Variants in CRYZL1 observed in about 807,000 individuals in gnomAD.
CRYZL1 encodes ferry endosomal RAB5 effector complex subunit 4.
In CRYZL1, 34 loss-of-function variants were observed where a neutral mutation model predicts 50.6. The ratio of observed to expected loss-of-function variants is 0.67; its 90% CI spans 0.51 to 0.89. The LOEUF (loss-of-function observed/expected upper bound fraction) is 0.89. Ranked by LOEUF, CRYZL1 falls within the 40% of genes least tolerant of loss-of-function variation. CRYZL1 has a pLI of 0.00. For synonymous variants in CRYZL1, 125 were observed against 134.3 expected (o/e 0.93, Z 0.48); for missense variants, 354 against 402.3 (o/e 0.88, Z 1.03).
At chr21:33,597,620 GT>G (rs1199954293) in intron 9 of CRYZL1, among the ~76,000 whole-genome samples, 5 of 97,964 alleles carry the variant, frequency 5.1e-5, no homozygotes, top group Admixed American at 1.0e-4. Context: ...CTCTCTTTTT[GT>G]TTTTTTTTTG....
intron 6 of CRYZL1, among the ~76,000 whole-genome samples, chr21:33,612,320 CTT>C (rs1354727954): frequency 6.7e-6 from 1 of 149,772 alleles, no homozygotes; most frequent in Non-Finnish European, 1.5e-5. Flanking sequence ...AAGTCTCACT[CTT>C]GTCACCCAGG....
chr21:33,594,865 C>A (rs982062990), intron 11 of CRYZL1: 10 of 153,146 alleles, frequency 6.5e-5, no homozygotes, highest in African/African-American at 2.2e-4. Context: ...AGGGAACTGG[C>A]CTTTATACAT....
rs199553945 is a variant in CRYZL1 at position 33,621,319 on chromosome 21, AC to A, written c.217+676del. Among the ~76,000 whole-genome samples the A allele has an allele frequency of 8.8e-3, 1,301 of 148,080 alleles. 13 individuals carry two copies. The highest frequency in any genetic ancestry group is 0.021 in the African/African-American group (857 of 40,606). On this transcript the variant is annotated intron_variant, in intron 4 of 12. Transcript: ENST00000381554. ...CAGCTGATGAACCAAAAAAAAAAAA[AC>A]ATCATGTAATTTTTTTTCAAATTAA... is the stretch of plus-strand genomic sequence containing the variant.
At position 33,621,990 on chromosome 21, in the gene CRYZL1, A is replaced by T; in HGVS notation, c.217+6T>A. 1 of 1,585,626 alleles carries T rather than the reference A, an allele frequency of 6.3e-7. No individual in the cohort carries two copies. Among genetic ancestry groups the T allele is most frequent in the Non-Finnish European group, 8.7e-7 (1 of 1,154,454 alleles). ...TAAATACATATACTCACATCTGTAT[A>T]CTTACCATCTAATACAATTCCAGCA... On this transcript the variant is annotated splice_donor_region_variant and intron_variant, in intron 4 of 12. Coordinates refer to ENST00000381554, the MANE Select transcript of CRYZL1 (RefSeq NM_145858.3).
rs1010159701 is a variant in CRYZL1 at position 33,603,266 on chromosome 21, AC to A, written c.465+137del. The A allele has an allele frequency of 7.9e-6, 8 of 1,014,704 alleles. No individual in the cohort carries two copies. In the African/African-American group the frequency reaches 1.3e-4, roughly 16 times the overall value. The allele number at this position is 1,014,704 out of a possible 1,614,324, so 62.9% of individuals were successfully genotyped here. A position where few individuals can be genotyped will look rare whatever the true frequency, so the allele number is the denominator to read the frequency against. On this transcript the variant is annotated intron_variant, in intron 7 of 12. Transcript: ENST00000381554. ...CTATTGATAAAAGCTGCTTATTATA[AC>A]AAAATAGGACACTGGAAAAAAAGTC...
intron 3 of CRYZL1, among the ~76,000 whole-genome samples, chr21:33,623,494 C>T (rs566585134): frequency 2.0e-5 from 3 of 152,218 alleles, no homozygotes; most frequent in Admixed American, 6.5e-5. Flanking sequence ...ATGGATTTTT[C>T]CATTTTAATA....
intron 6 of CRYZL1, among the ~76,000 whole-genome samples, chr21:33,605,516 G>A (rs919771810): frequency 2.6e-4 from 10 of 38,856 alleles, no homozygotes; most frequent in African/African-American, 8.7e-4. Flanking sequence ...TAATTTTTCC[G>A]CAGTACAAGA....
intron 6 of CRYZL1, 74 bp from the exon 7 acceptor site, chr21:33,603,611 C>T: frequency 6.4e-7 from 1 of 1,551,384 alleles, no homozygotes; most frequent in South Asian, 1.1e-5. Context: ...TATTTCTCTC[C>T]ATCTCTAGTA....
intron 1 of CRYZL1, among the ~76,000 whole-genome samples, chr21:33,638,210 CTTTTTT>C (rs569863892): frequency 1.0e-4 from 13 of 126,798 alleles, no homozygotes; most frequent in African/African-American, 4.0e-4. Flanking sequence ...GTCAGGTCTG[CTTTTTT>C]TTTTTTTTTT....
Position 33,603,529 on chromosome 21 carries a change from G to C in CRYZL1, c.340C>G (p.Pro114Ala). 1 of 1,613,994 alleles carries C rather than the reference G, an allele frequency of 6.2e-7. No homozygotes were observed. The highest frequency in any genetic ancestry group is 8.5e-7 in the Non-Finnish European group (1 of 1,180,028). Residue 114 changes from proline to alanine, a missense_variant, in exon 7 of 13, where the codon CCA (proline) becomes GCA (alanine). Physicochemically the swap from Pro to Ala is conservative, Grantham distance 27. Transcript: ENST00000381554. ...GCTTCCGTCCATGTGACCTTTTCTG[G>C]TTTATGAACTATCATAAAGAACAAG... ...RVHEHYLVHK[P>A]EKVTWTEAAG...
intron 1 of CRYZL1, 144 bp from the exon 2 acceptor site, chr21:33,631,701 C>A (rs2087139474): frequency 1.1e-5 from 5 of 443,756 alleles, no homozygotes; most frequent in Non-Finnish European, 1.5e-5. Flanking sequence ...AAATCTTTCA[C>A]AAAGTGATCA....
At chr21:33,612,435 C>T (rs982868170) in intron 6 of CRYZL1, among the ~76,000 whole-genome samples, 1 of 152,040 alleles carries the variant, frequency 6.6e-6, no homozygotes, top group Non-Finnish European at 1.5e-5. Context: ...TACAGGCGTG[C>T]GCCAACAGCC....
At chr21:33,640,944 CAG>C (rs1289394283) in intron 1 of CRYZL1, among the ~76,000 whole-genome samples, 37 of 152,204 alleles carry the variant, frequency 2.4e-4, no homozygotes, top group African/African-American at 8.9e-4. Flanking sequence ...GATAATGTCT[CAG>C]ATATACTAGG....
intron 3 of CRYZL1, 72 bp downstream of exon 3, chr21:33,624,611 T>C (rs2087038912): frequency 1.3e-6 from 2 of 1,562,818 alleles, no homozygotes; most frequent in Admixed American, 2.2e-5. Context: ...AGGTCAGTTA[T>C]CGTTATATTT....
chr21:33,623,075 C>T (rs1042932151), intron 3 of CRYZL1, among the ~76,000 whole-genome samples: 4 of 151,670 alleles, frequency 2.6e-5, no homozygotes, highest in Non-Finnish European at 5.9e-5. Context: ...AAGCGATTCT[C>T]CTGCCTCAGC....
chr21:33,631,488 T>C lies in CRYZL1; in HGVS notation c.64A>G (p.Lys22Glu). 6.6e-7 allele frequency: 1 copy of C among 1,518,220 alleles called. No individual in the cohort carries two copies. Among genetic ancestry groups the C allele is most frequent in the Non-Finnish European group, 8.8e-7 (1 of 1,137,748 alleles). The allele number at this position is 1,518,220 out of a possible 1,614,324, so 94.0% of individuals were successfully genotyped here. A position where few individuals can be genotyped will look rare whatever the true frequency, so the allele number is the denominator to read the frequency against. Residue 22 changes from lysine (K) to glutamate (E), a missense_variant and splice_region_variant, in exon 2 of 13, where the codon AAG becomes GAG. Coordinates refer to ENST00000381554, the MANE Select transcript of CRYZL1 (RefSeq NM_145858.3). ...DEEITFVFQE[K>E]EDLPVTEDNF... ...AATGATTAAACATTTTTTCTTACCTTTTCTTGAAATACAAATGTTATTTCT... is the reference window on the plus strand; with the variant it reads ...AATGATTAAACATTTTTTCTTACCTCTTCTTGAAATACAAATGTTATTTCT...
chr21:33,602,986 GTAATA>G (rs375901363), intron 7 of CRYZL1, among the ~76,000 whole-genome samples: 1 of 152,130 alleles, frequency 6.6e-6, no homozygotes, highest in African/African-American at 2.4e-5. Context: ...TTTGATATAT[GTAATA>G]TGTTTAAATT....
rs182730613 is a variant in CRYZL1 at position 33,620,212 on chromosome 21, T to C, written c.217+1784A>G. Reference sequence around the variant, plus strand: ...AATCCCAGGTAAAACTCAAATATACTCTAACATACCTTAACACATTTATTC... The same window carrying C: ...AATCCCAGGTAAAACTCAAATATACCCTAACATACCTTAACACATTTATTC... On this transcript the variant is annotated intron_variant, in intron 4 of 12. Coordinates refer to ENST00000381554, the MANE Select transcript of CRYZL1 (RefSeq NM_145858.3). Among the ~76,000 whole-genome samples, 64 of 152,316 alleles carry C rather than the reference T, an allele frequency of 4.2e-4. No homozygotes were observed. In the East Asian group the frequency reaches 8.9e-3, roughly 21 times the overall value.
chr21:33,606,103 T>A (rs2086812074), intron 6 of CRYZL1, among the ~76,000 whole-genome samples: 1 of 152,304 alleles, frequency 6.6e-6, no homozygotes, highest in Admixed American at 6.5e-5. Flanking sequence ...GGTAACTCTT[T>A]AAGATAGCTA....
Sources: gnomAD v4.1 joint callset for allele counts (sites outside exome capture counted in the v4.1 genomes callset) on GRCh38, gnomAD v4.1.1 for gene constraint, MANE v1.5 for transcripts, NCBI Gene and HGNC (gene_info 2026-07-23, HGNC 2026-07-21) for gene names.